Variants in NELL1 observed in about 807,000 individuals in gnomAD.
NELL1 encodes neural EGFL like 1.
In NELL1, 76 loss-of-function variants were observed where a neutral mutation model predicts 107.4. That is an observed-to-expected ratio of 0.71 (90% confidence interval 0.59 to 0.86). The LOEUF is 0.86. Among genes scored for constraint, NELL1 ranks in the 40% least tolerant of loss-of-function variants. The pLI is 0.00. For synonymous variants in NELL1, 353 were observed against 341.2 expected, an observed-to-expected ratio of 1.03 and a Z score of -0.38; for missense variants, 1,024 against 1,005.5, an observed-to-expected ratio of 1.02 and a Z score of -0.25.
chr11:21,204,806 G>T (rs1420633556), intron 13 of NELL1, among the ~76,000 whole-genome samples: 1 of 152,014 alleles, frequency 6.6e-6, no homozygotes, highest in African/African-American at 2.4e-5. Context: ...TCTGAGCGAC[G>T]TCATTTTTGT....
chr11:20,860,486 C>G (rs78248661), intron 4 of NELL1, among the ~76,000 whole-genome samples: 1 of 152,154 alleles, frequency 6.6e-6, no homozygotes, highest in Non-Finnish European at 1.5e-5. Flanking sequence ...ATTTCTTTGC[C>G]TCAGTCTCCT....
chr11:21,277,315 C>G (rs1287471178), intron 14 of NELL1, among the ~76,000 whole-genome samples: 2 of 152,008 alleles, frequency 1.3e-5, no homozygotes, highest in African/African-American at 4.8e-5. Context: ...TCATCACTGG[C>G]CATCAGAGAA....
intron 4 of NELL1, among the ~76,000 whole-genome samples, chr11:20,857,729 T>C (rs1353298707): frequency 6.6e-6 from 1 of 152,184 alleles, no homozygotes; most frequent in Non-Finnish European, 1.5e-5. Context: ...GGGATTGAGA[T>C]GATGCAGGTG....
chr11:21,474,390 A>G (rs1403479227), intron 15 of NELL1, among the ~76,000 whole-genome samples: 1 of 152,006 alleles, frequency 6.6e-6, no homozygotes, highest in African/African-American at 2.4e-5. Context: ...TCCCTTTATA[A>G]GATAAAAATC....
intron 9 of NELL1, among the ~76,000 whole-genome samples, chr11:20,936,736 T>C (rs928371431): frequency 6.6e-6 from 1 of 152,204 alleles, no homozygotes; most frequent in African/African-American, 2.4e-5. Flanking sequence ...TGCCTGCCCT[T>C]TAGTAACACT....
chr11:21,177,810 T>C (rs530306922), intron 13 of NELL1, among the ~76,000 whole-genome samples: 1 of 152,042 alleles, frequency 6.6e-6, no homozygotes, highest in Admixed American at 6.5e-5. Context: ...ATAATCGTTC[T>C]AACAGGTGTG....
intron 16 of NELL1, among the ~76,000 whole-genome samples, chr11:21,543,344 C>A (rs1856341261): frequency 6.6e-6 from 1 of 151,938 alleles, no homozygotes; most frequent in South Asian, 2.1e-4. Flanking sequence ...TGTAAGGAAT[C>A]AATATGAAGT....
intron 16 of NELL1, among the ~76,000 whole-genome samples, chr11:21,544,204 AC>A (rs1856370958): frequency 6.6e-6 from 1 of 151,952 alleles, no homozygotes; most frequent in Non-Finnish European, 1.5e-5. Context: ...ACTTACAAAA[AC>A]CTTCACAAGT....
chr11:20,710,656 G>A (rs568808296), intron 2 of NELL1, among the ~76,000 whole-genome samples: 10 of 152,032 alleles, frequency 6.6e-5, no homozygotes, highest in South Asian at 2.1e-4. Flanking sequence ...CTGTGAATGC[G>A]TCTGGTCCTG....
intron 13 of NELL1, among the ~76,000 whole-genome samples, chr11:21,172,370 T>C (rs1318396688): frequency 6.6e-6 from 1 of 151,790 alleles, no homozygotes; most frequent in Admixed American, 6.6e-5. Context: ...GTTGGTTGGG[T>C]TTAAACCCAC....
intron 2 of NELL1, among the ~76,000 whole-genome samples, chr11:20,757,963 G>A (rs970929364): frequency 2.6e-5 from 4 of 152,166 alleles, no homozygotes; most frequent in South Asian, 2.1e-4. Flanking sequence ...GTCAGGTTCT[G>A]GTGAGAACCT....
rs765895763 is a variant in NELL1, at chr11:21,456,230, T to G, written c.1646-78144T>G. On this transcript the variant is annotated intron_variant, in intron 15 of 19. Coordinates refer to ENST00000357134, the MANE Select transcript of NELL1 (RefSeq NM_006157.5). ...CTTGGGACTCAAATTATTTGTATGT[T>G]GTATTGCTTGATATTATTCTATATG... 3.7e-4 allele frequency among the ~76,000 whole-genome samples: 57 copies of G among 152,238 alleles called. No individual in the cohort carries two copies. The South Asian group carries it at 6.2e-3, about 17-fold the overall frequency.
chr11:21,166,460 T>C (rs1856485938), intron 13 of NELL1, among the ~76,000 whole-genome samples: 1 of 151,834 alleles, frequency 6.6e-6, no homozygotes, highest in Non-Finnish European at 1.5e-5. Context: ...AACAGCGTAA[T>C]TGGATTGTTT....
intron 13 of NELL1, among the ~76,000 whole-genome samples, chr11:21,141,170 C>A (rs1855858069): frequency 6.6e-6 from 1 of 152,136 alleles, no homozygotes; most frequent in Non-Finnish European, 1.5e-5. Context: ...AGAAAGAAAT[C>A]TTGCTTGATT....
intron 13 of NELL1, among the ~76,000 whole-genome samples, chr11:21,221,549 C>T (rs923484214): frequency 6.6e-6 from 1 of 152,146 alleles, no homozygotes; most frequent in Non-Finnish European, 1.5e-5. Flanking sequence ...GTTACTGTTT[C>T]AATCTCTTTA....
chr11:21,177,521 C>T (rs986685915), intron 13 of NELL1, among the ~76,000 whole-genome samples: 1 of 151,686 alleles, frequency 6.6e-6, no homozygotes, highest in African/African-American at 2.4e-5. Flanking sequence ...TTGATGGGCA[C>T]CCTGGTTGTT....
intron 14 of NELL1, among the ~76,000 whole-genome samples, chr11:21,231,356 T>C (rs548432958): frequency 3.7e-4 from 56 of 152,290 alleles, no homozygotes; most frequent in African/African-American, 1.3e-3. Flanking sequence ...TTGCACTTCT[T>C]CCAGTGGTCT....
intron 12 of NELL1, among the ~76,000 whole-genome samples, chr11:21,011,152 A>G (rs756886340): frequency 3.3e-5 from 5 of 152,090 alleles, no homozygotes; most frequent in Non-Finnish European, 7.4e-5. Context: ...TATTTCCCCT[A>G]TCTTTGCTTC....
intron 14 of NELL1, among the ~76,000 whole-genome samples, chr11:21,252,826 A>G (rs986573449): frequency 2.0e-5 from 3 of 152,114 alleles, no homozygotes; most frequent in Non-Finnish European, 4.4e-5. Flanking sequence ...TTAGATTCTA[A>G]TCTCTTCGAA....
Sources: allele counts gnomAD v4.1 joint callset (sites outside exome capture counted in the v4.1 genomes callset), GRCh38; gene constraint gnomAD v4.1.1; transcripts MANE v1.5; gene names NCBI Gene and HGNC (gene_info 2026-07-23, HGNC 2026-07-21).